CDC73: variants seen among roughly 807,000 people sequenced by gnomAD.
CDC73 encodes the protein parafibromin.
CDC73 carries 21 observed loss-of-function variants against 83.7 expected under a neutral mutation model. The observed-to-expected ratio is 0.25, with a 90% CI of 0.18 to 0.36. The LOEUF (loss-of-function observed/expected upper bound fraction) is 0.36. Ranked by LOEUF, CDC73 falls within the 10% of genes least tolerant of loss-of-function variation. The probability of loss-of-function intolerance (pLI) is 1.00; values close to 1 mark genes in which losing one functional copy is unlikely to be tolerated. For missense variants in CDC73, 342 were observed against 653.3 expected, an observed-to-expected ratio of 0.52 and a Z score of 5.19; for synonymous variants, 224 against 212.9, an observed-to-expected ratio of 1.05 and a Z score of -0.45.
At chr1:193,200,146 C>T (rs1018697098) in intron 10 of CDC73, among the ~76,000 whole-genome samples, 3 of 151,892 alleles carry the variant, frequency 2.0e-5, no homozygotes, top group East Asian at 1.9e-4. Context: ...ACTGCTTAAG[C>T]CCCAGAGGTC....
chr1:193,216,577 T>A (rs1677371529), intron 13 of CDC73, among the ~76,000 whole-genome samples: 1 of 151,824 alleles, frequency 6.6e-6, no homozygotes, highest in African/African-American at 2.4e-5. Context: ...GAGGAGGGGC[T>A]TCCCTAACTC....
intron 10 of CDC73, among the ~76,000 whole-genome samples, chr1:193,177,119 A>C (rs1676618395): frequency 6.6e-6 from 1 of 152,084 alleles, no homozygotes; most frequent in African/African-American, 2.4e-5. Flanking sequence ...CAAAGGATGA[A>C]GAACAGAGAA....
rs144101733 is a variant in CDC73, at chr1:193,125,440, T to G, written c.237+223T>G. Among the ~76,000 whole-genome samples, 8 of 152,250 alleles carry G rather than the reference T, an allele frequency of 5.3e-5. No individual in the cohort carries two copies. In the East Asian group the frequency reaches 1.5e-3, roughly 29 times the overall value. ...ATCTGGCTAATTTTTTTTGTTGTTGTTAAAGATGAGGGGGTCTTGCTGTGT... is the reference window on the plus strand; with the variant it reads ...ATCTGGCTAATTTTTTTTGTTGTTGGTAAAGATGAGGGGGTCTTGCTGTGT... On this transcript the variant is annotated intron_variant, in intron 2 of 16. Transcript: ENST00000367435.
chr1:193,149,007 GT>G (rs775298344), intron 8 of CDC73, among the ~76,000 whole-genome samples: 2 of 152,098 alleles, frequency 1.3e-5, no homozygotes, highest in Non-Finnish European at 2.9e-5. Context: ...CTTTGTAGTA[GT>G]TTTATTTGCT....
At chr1:193,123,373 C>G (rs1675501060) in intron 1 of CDC73, among the ~76,000 whole-genome samples, 1 of 151,936 alleles carries the variant, frequency 6.6e-6, no homozygotes, top group Admixed American at 6.6e-5. Context: ...GGTTGCAGGC[C>G]CCCGCCACCA....
At chr1:193,178,475 T>G (rs1676650374) in intron 10 of CDC73, among the ~76,000 whole-genome samples, 1 of 152,132 alleles carries the variant, frequency 6.6e-6, no homozygotes, top group Non-Finnish European at 1.5e-5. Context: ...AGAACTTGAG[T>G]TCTCTTTCTA....
At chr1:193,206,337 AC>A (rs1677188786) in intron 11 of CDC73, among the ~76,000 whole-genome samples, 1 of 152,198 alleles carries the variant, frequency 6.6e-6, no homozygotes, top group African/African-American at 2.4e-5. Flanking sequence ...ATCCATGTGA[AC>A]TTTCTGCTTT....
At chr1:193,122,558 A>G in intron 1 of CDC73, 1 of 524,788 alleles carries the variant, frequency 1.9e-6, no homozygotes, top group Non-Finnish European at 3.4e-6. Context: ...AGCCCAAAGG[A>G]AAGGTACCGT....
intron 3 of CDC73, among the ~76,000 whole-genome samples, chr1:193,133,431 T>C (rs1445723192): frequency 2.0e-5 from 3 of 152,172 alleles, no homozygotes; most frequent in Admixed American, 6.5e-5. Context: ...CTAAAGTTCA[T>C]TGGCAAAAGT....
chr1:193,236,262 C>G lies in CDC73; in HGVS notation c.1323C>G (p.Arg441=), dbSNP rs747780211. The change falls in exon 15 of 17, where the codon CGC becomes CGG. Residue 441 remains arginine, a synonymous_variant. Transcript: ENST00000367435. The part of the protein sequence containing the change: ...PLKLMPQDWD[R]VVAVFVQGPA... ...CCCACTTTTCTACTTGTAGGGACCG[C>G]GTTGTAGCCGTTTTTGTGCAGGGTC... 1 of 1,612,452 alleles carries G rather than the reference C, an allele frequency of 6.2e-7. No individual in the cohort carries two copies. The highest frequency in any genetic ancestry group is 2.2e-5 in the East Asian group (1 of 44,862).
At chr1:193,174,671 C>T (rs1180167714) in intron 10 of CDC73, among the ~76,000 whole-genome samples, 1 of 152,084 alleles carries the variant, frequency 6.6e-6, no homozygotes, top group Non-Finnish European at 1.5e-5. Context: ...GAATCAGATT[C>T]TTTATACAGT....
At chr1:193,145,634 A>G (rs1405589399) in intron 7 of CDC73, among the ~76,000 whole-genome samples, 1 of 152,128 alleles carries the variant, frequency 6.6e-6, no homozygotes, top group Non-Finnish European at 1.5e-5. Context: ...TTTAATCTTT[A>G]ATTCAATAGA....
At chr1:193,198,901 A>G (rs1677044962) in intron 10 of CDC73, among the ~76,000 whole-genome samples, 1 of 152,198 alleles carries the variant, frequency 6.6e-6, no homozygotes, top group Admixed American at 6.5e-5. Flanking sequence ...TACAACATCT[A>G]CCTTAATCAG....
At chr1:193,219,099 G>T (rs965210677) in intron 13 of CDC73, among the ~76,000 whole-genome samples, 1 of 152,144 alleles carries the variant, frequency 6.6e-6, no homozygotes, top group Non-Finnish European at 1.5e-5. Flanking sequence ...CTTCTCAAAA[G>T]AAGATATACA....
At chr1:193,153,581 C>T (rs530780233) in intron 10 of CDC73, among the ~76,000 whole-genome samples, 1 of 152,258 alleles carries the variant, frequency 6.6e-6, no homozygotes, top group African/African-American at 2.4e-5. Flanking sequence ...GTGTTTTACT[C>T]ACTCATTTCC....
intron 11 of CDC73, among the ~76,000 whole-genome samples, chr1:193,207,269 G>A (rs1677203296): frequency 6.6e-6 from 1 of 152,118 alleles, no homozygotes; most frequent in African/African-American, 2.4e-5. Flanking sequence ...GCTTCAAAGG[G>A]CAATAAAGAT....
At chr1:193,184,466 CTCT>C (rs560423859) in intron 10 of CDC73, among the ~76,000 whole-genome samples, 115 of 151,992 alleles carry the variant, frequency 7.6e-4, no homozygotes, top group African/African-American at 2.7e-3. Flanking sequence ...TTTGGTTTAT[CTCT>C]TCTTTTTTGA....
At chr1:193,191,466 C>T (rs1333233201) in intron 10 of CDC73, among the ~76,000 whole-genome samples, 10 of 152,156 alleles carry the variant, frequency 6.6e-5, no homozygotes, top group African/African-American at 2.4e-4. Context: ...TGGCTCACTG[C>T]AACTTCCACC....
chr1:193,236,180 T>C, intron 14 of CDC73, 76 bp from the exon 15 acceptor site: 1 of 875,300 alleles, frequency 1.1e-6, no homozygotes, highest in Non-Finnish European at 2.0e-6. Context: ...CTAAGGGATT[T>C]ATAGTAGCTA....
Sources: gnomAD v4.1 joint callset for allele counts (sites outside exome capture counted in the v4.1 genomes callset) on GRCh38, gnomAD v4.1.1 for gene constraint, MANE v1.5 for transcripts, NCBI Gene and HGNC (gene_info 2026-07-23, HGNC 2026-07-21) for gene names.